ST6GALNAC5: variants seen among roughly 807,000 people sequenced by gnomAD.
ST6GALNAC5 encodes the protein ST6 N-acetylgalactosaminide alpha-2,6-sialyltransferase 5.
A neutral mutation model predicts 33.6 loss-of-function variants in ST6GALNAC5; 27 were observed. That is an observed-to-expected ratio of 0.80 (90% CI 0.59 to 1.11). The LOEUF (loss-of-function observed/expected upper bound fraction) is 1.11, where lower values mean the gene tolerates loss of function less well. Ranked by LOEUF, ST6GALNAC5 falls within the 50% of genes least tolerant of loss-of-function variation. ST6GALNAC5 has a pLI of 0.00. For synonymous variants in ST6GALNAC5, 194 were observed against 171.2 expected (o/e 1.13, Z -1.04); for missense variants, 428 against 454.0 (o/e 0.94, Z 0.52).
At chr1:76,909,278 C>T (rs891255187) in intron 2 of ST6GALNAC5, among the ~76,000 whole-genome samples, 2 of 152,050 alleles carry the variant, frequency 1.3e-5, no homozygotes, top group Admixed American at 6.6e-5. Context: ...GGCCAGAATC[C>T]ACATCTTGGC....
In ST6GALNAC5 at chr1:76,889,946, T is replaced by C. The variant is rs182270094; in HGVS notation, c.261+21204T>C. ...TAATAACTTAAACCTTTGTAAGTTA[T>C]AAGTATGTTTTTAGTTTTTGTGCTG... On this transcript the variant is annotated intron_variant, in intron 2 of 4. Coordinates refer to ENST00000477717, the MANE Select transcript of ST6GALNAC5 (RefSeq NM_030965.3). Among the ~76,000 whole-genome samples the C allele has an allele frequency of 1.0e-3, 154 of 152,298 alleles. 1 individual carries two copies. The highest frequency in any genetic ancestry group is 2.1e-3 in the Non-Finnish European group (142 of 67,986).
chr1:76,944,626 T>G (rs1647449470), intron 2 of ST6GALNAC5, among the ~76,000 whole-genome samples: 1 of 152,134 alleles, frequency 6.6e-6, no homozygotes, highest in African/African-American at 2.4e-5. Flanking sequence ...ATGAATGAAT[T>G]TCATCTGAAG....
intron 2 of ST6GALNAC5, among the ~76,000 whole-genome samples, chr1:77,025,630 G>A (rs566266623): frequency 2.2e-4 from 34 of 152,284 alleles, no homozygotes; most frequent in South Asian, 8.3e-4. Flanking sequence ...TGGGTGGCCC[G>A]GAGGCTGTGG....
chr1:76,921,390 A>T (rs1647033296), intron 2 of ST6GALNAC5, among the ~76,000 whole-genome samples: 1 of 152,298 alleles, frequency 6.6e-6, no homozygotes, highest in South Asian at 2.1e-4. Flanking sequence ...AGAAAACAAC[A>T]GAGAAAAATC....
chr1:76,947,721 C>T (rs533708401), intron 2 of ST6GALNAC5, among the ~76,000 whole-genome samples: 1 of 151,948 alleles, frequency 6.6e-6, no homozygotes. Context: ...ATTCTAGCCT[C>T]GGTGACAGAG....
At chr1:76,906,541 T>C (rs1646865505) in intron 2 of ST6GALNAC5, among the ~76,000 whole-genome samples, 1 of 152,188 alleles carries the variant, frequency 6.6e-6, no homozygotes, top group South Asian at 2.1e-4. Flanking sequence ...GTGTTTAATT[T>C]TAGAGGACTA....
chr1:76,898,542 G>T (rs539432776), intron 2 of ST6GALNAC5, among the ~76,000 whole-genome samples: 16 of 152,254 alleles, frequency 1.1e-4, no homozygotes, highest in African/African-American at 3.4e-4. Flanking sequence ...ACCTTTTAGG[G>T]TCTAGGGCTG....
At chr1:76,935,671 A>G (rs1647194609) in intron 2 of ST6GALNAC5, among the ~76,000 whole-genome samples, 1 of 152,028 alleles carries the variant, frequency 6.6e-6, no homozygotes, top group Non-Finnish European at 1.5e-5. Flanking sequence ...GTTTTTGAAT[A>G]ATTGAACTGC....
chr1:77,031,270 T>C (rs1049213181), intron 2 of ST6GALNAC5, among the ~76,000 whole-genome samples: 5 of 152,230 alleles, frequency 3.3e-5, no homozygotes, highest in African/African-American at 1.2e-4. Context: ...CTCATCAAGA[T>C]GGTGTTTACT....
chr1:77,046,278 A>G (rs1409000277), intron 3 of ST6GALNAC5, among the ~76,000 whole-genome samples: 2 of 152,244 alleles, frequency 1.3e-5, no homozygotes, highest in African/African-American at 4.8e-5. Context: ...AAGTGATATG[A>G]TAAATGCAAT....
chr1:76,903,769 C>A (rs1418301094), intron 2 of ST6GALNAC5, among the ~76,000 whole-genome samples: 1 of 152,074 alleles, frequency 6.6e-6, no homozygotes, highest in Non-Finnish European at 1.5e-5. Context: ...AAGAAGGAAA[C>A]TTGAAACCAT....
At chr1:76,934,487 ATAT>A (rs1427722201) in intron 2 of ST6GALNAC5, among the ~76,000 whole-genome samples, 1 of 151,936 alleles carries the variant, frequency 6.6e-6, no homozygotes, top group Non-Finnish European at 1.5e-5. Context: ...TACTATAATA[ATAT>A]TATCACCCGG....
intron 2 of ST6GALNAC5, among the ~76,000 whole-genome samples, chr1:77,038,108 A>G (rs969260174): frequency 6.6e-6 from 1 of 152,216 alleles, no homozygotes; most frequent in Non-Finnish European, 1.5e-5. Context: ...ACTATCTTCT[A>G]AACTGCTCAG....
chr1:76,875,093 A>G (rs1653606636), intron 2 of ST6GALNAC5, among the ~76,000 whole-genome samples: 1 of 152,246 alleles, frequency 6.6e-6, no homozygotes, highest in African/African-American at 2.4e-5. Context: ...GTATACATGC[A>G]CAAACGTTTT....
At chr1:76,926,369 G>C (rs542855234) in intron 2 of ST6GALNAC5, among the ~76,000 whole-genome samples, 2 of 152,000 alleles carry the variant, frequency 1.3e-5, no homozygotes, top group Non-Finnish European at 2.9e-5. Context: ...GTGACCACTT[G>C]GTCATCTCTT....
intron 4 of ST6GALNAC5, among the ~76,000 whole-genome samples, chr1:77,055,162 T>G: frequency 6.6e-6 from 1 of 152,054 alleles, no homozygotes; most frequent in East Asian, 1.9e-4. Flanking sequence ...TGAGCAGAGT[T>G]CATACTCCCT....
At chr1:76,924,621 T>G (rs1022415607) in intron 2 of ST6GALNAC5, among the ~76,000 whole-genome samples, 9 of 152,144 alleles carry the variant, frequency 5.9e-5, no homozygotes, top group Non-Finnish European at 5.9e-5. Context: ...TTTCCTCATA[T>G]ACTTTCATAT....
chr1:76,940,672 C>A (rs1647312257), intron 2 of ST6GALNAC5, among the ~76,000 whole-genome samples: 1 of 152,068 alleles, frequency 6.6e-6, no homozygotes, highest in African/African-American at 2.4e-5. Flanking sequence ...TAGAGAAAGT[C>A]TGCTGGACCC....
At chr1:76,963,544 C>G (rs1396296564) in intron 2 of ST6GALNAC5, among the ~76,000 whole-genome samples, 1 of 152,198 alleles carries the variant, frequency 6.6e-6, no homozygotes, top group Non-Finnish European at 1.5e-5. Context: ...AATCACAAGC[C>G]TGGTCTGGTT....
Sources: gnomAD v4.1 joint callset for allele counts (sites outside exome capture counted in the v4.1 genomes callset) on GRCh38, gnomAD v4.1.1 for gene constraint, MANE v1.5 for transcripts, NCBI Gene and HGNC (gene_info 2026-07-23, HGNC 2026-07-21) for gene names.